The following ANO5 variants were observed in gnomAD, a reference collection of about 807,000 sequenced individuals.
ANO5 encodes the protein anoctamin-5.
Under a neutral mutation model 121.0 loss-of-function variants are expected in ANO5, and 109 were observed. The observed-to-expected ratio is 0.90, with a 90% CI of 0.77 to 1.06. The LOEUF (loss-of-function observed/expected upper bound fraction) is 1.06. Ranked by LOEUF, ANO5 falls within the 50% of genes least tolerant of loss-of-function variation. The pLI is 0.00. For synonymous variants in ANO5, 406 were observed against 359.9 expected, an observed-to-expected ratio of 1.13 and a Z score of -1.45; for missense variants, 1,064 against 1,078.5, an observed-to-expected ratio of 0.99 and a Z score of 0.19.
At position 22,257,692 on chromosome 11, in the gene ANO5, T is replaced by A. The variant is rs1382373646; in HGVS notation, c.1345T>A (p.Tyr449Asn). Residue 449 changes from tyrosine to asparagine, a missense_variant, in exon 14 of 22, where the codon TAC becomes AAC. Transcript: ENST00000324559. ...LNAVTKEMEP[Y>N]MPLYTRIPWY... ...TTCAATATTACAGGAGATGGAACCT[T>A]ACATGCCTCTATACACGCGTATTCC... 1 of 1,611,492 alleles carries A rather than the reference T, an allele frequency of 6.2e-7. No homozygotes were observed. The highest frequency in any genetic ancestry group is 8.5e-7 in the Non-Finnish European group (1 of 1,177,774).
intron 19 of ANO5, among the ~76,000 whole-genome samples, chr11:22,274,163 T>C (rs1590330617): frequency 2.1e-5 from 3 of 143,748 alleles, no homozygotes; most frequent in African/African-American, 5.2e-5. Flanking sequence ...GTTAATCTCT[T>C]ACACACACAC....
At chr11:22,193,871 C>T (rs1383666858) in intron 1 of ANO5, among the ~76,000 whole-genome samples, 5 of 152,204 alleles carry the variant, frequency 3.3e-5, no homozygotes, top group Non-Finnish European at 5.9e-5. Flanking sequence ...CGCTGCAGTG[C>T]TTGGGTCTCC....
At chr11:22,207,800 T>C (rs2133538136) in intron 2 of ANO5, among the ~76,000 whole-genome samples, 1 of 152,150 alleles carries the variant, frequency 6.6e-6, no homozygotes, top group South Asian at 2.1e-4. Flanking sequence ...CTTGTATCTA[T>C]GATTTATAAA....
At position 22,239,574 on chromosome 11, in the gene ANO5, A is replaced by C. The variant is rs1374650064; in HGVS notation, c.768A>C (p.Gln256His). ...CTCCTCTTGAATATCTGCAGGGCCA[A>C]TATTGGAAGCCATCAGAACCTCCCA... ...YSSAYPLHDG[Q>H]YWKPSEPPNP... is the part of the protein sequence containing the mutation. Residue 256 changes from glutamine to histidine, a missense_variant, in exon 9 of 22, where the codon CAA (glutamine) becomes CAC (histidine). Physicochemically the swap from Gln to His is conservative, Grantham distance 24. Coordinates refer to ENST00000324559, the MANE Select transcript of ANO5 (RefSeq NM_213599.3). The C allele has an allele frequency of 6.2e-7, 1 of 1,610,304 alleles. No individual in the cohort carries two copies. Among genetic ancestry groups the C allele is most frequent in the Non-Finnish European group, 8.5e-7 (1 of 1,176,854 alleles).
intron 18 of ANO5, among the ~76,000 whole-genome samples, chr11:22,272,302 GCACACACACA>G (rs60487083): frequency 0.015 from 1,971 of 134,546 alleles, 33 homozygotes; most frequent in African/African-American, 0.04. Flanking sequence ...TCCTTTTCCG[GCACACACACA>G]CACACACACA....
At chr11:22,217,161 G>A (rs2133573789) in intron 3 of ANO5, among the ~76,000 whole-genome samples, 1 of 152,058 alleles carries the variant, frequency 6.6e-6, no homozygotes, top group African/African-American at 2.4e-5. Flanking sequence ...GTCACCAGTT[G>A]CTTAGACTTC....
At chr11:22,218,988 CAT>C (rs1204076178) in intron 4 of ANO5, among the ~76,000 whole-genome samples, 1 of 152,054 alleles carries the variant, frequency 6.6e-6, no homozygotes, top group African/African-American at 2.4e-5. Flanking sequence ...AATGCACACA[CAT>C]GCTACAAAAT....
At chr11:22,246,831 A>G (rs1156954000) in intron 9 of ANO5, among the ~76,000 whole-genome samples, 7 of 142,756 alleles carry the variant, frequency 4.9e-5, no homozygotes, top group South Asian at 2.3e-4. Flanking sequence ...CCTACAACCT[A>G]GCACAACAGA....
chr11:22,238,758 A>G (rs1240445334), intron 8 of ANO5, among the ~76,000 whole-genome samples: 4 of 152,030 alleles, frequency 2.6e-5, no homozygotes, highest in Non-Finnish European at 5.9e-5. Flanking sequence ...TTCTTTTATT[A>G]TACTTTAAGT....
At chr11:22,194,432 T>C (rs1380020001) in intron 1 of ANO5, among the ~76,000 whole-genome samples, 1 of 152,226 alleles carries the variant, frequency 6.6e-6, no homozygotes, top group Non-Finnish European at 1.5e-5. Context: ...CCTCGTTCCC[T>C]TTTTTAAGCA....
Position 22,282,007 on chromosome 11 carries a change from C to T in ANO5, c.*2242C>T, listed in dbSNP as rs1855098830. 6.6e-6 allele frequency: 1 copy of T among 152,016 alleles called. No homozygotes were observed. The highest frequency in any genetic ancestry group is 2.4e-5 in the African/African-American group (1 of 41,426). 9.4% of individuals were successfully genotyped at this position (152,016 alleles called of 1,614,324 possible). A position where few individuals can be genotyped will look rare whatever the true frequency, so the allele number is the denominator to read the frequency against. Reference sequence around the variant, plus strand: ...ATGAAATACAGGTATTCGTCACTTTCCTGAAACCATGCTAACCAAAATCAG... The same window carrying T: ...ATGAAATACAGGTATTCGTCACTTTTCTGAAACCATGCTAACCAAAATCAG... On this transcript the variant is annotated 3_prime_UTR_variant, in exon 22 of 22. Transcript: ENST00000324559.
At chr11:22,243,984 T>G (rs1397485427) in intron 9 of ANO5, among the ~76,000 whole-genome samples, 1 of 152,102 alleles carries the variant, frequency 6.6e-6, no homozygotes, top group Non-Finnish European at 1.5e-5. Context: ...CTTGATTGTA[T>G]AGTCTCTTTA....
chr11:22,199,909 T>C (rs1485494543), intron 1 of ANO5, among the ~76,000 whole-genome samples: 1 of 152,156 alleles, frequency 6.6e-6, no homozygotes. Flanking sequence ...TTAGATATAA[T>C]GTAGAATTTG....
In ANO5 at chr11:22,251,010, G is replaced by A; in HGVS notation, c.1179G>A (p.Trp393Ter). The A allele has an allele frequency of 6.2e-7, 1 of 1,609,802 alleles. No individual in the cohort carries two copies. Among genetic ancestry groups the A allele is most frequent in the Non-Finnish European group, 8.5e-7 (1 of 1,178,482 alleles). Residue 393 changes from tryptophan (W) to a stop codon, truncating the protein, a stop_gained and splice_region_variant, in exon 12 of 22, where the codon TGG becomes TGA. Transcript: ENST00000324559. LOFTEE classifies it high-confidence loss of function. ...TCTTTGCAATATTCATGGGAATTTG[G>A]GGTGAGTAAATAGTCCCATAAAGAA... ...TVFFAIFMGIWVTLFLEFWKQ... is the reference protein window; with the variant it reads ...TVFFAIFMGI
At chr11:22,205,014 C>A (rs550577426) in intron 2 of ANO5, among the ~76,000 whole-genome samples, 1 of 152,072 alleles carries the variant, frequency 6.6e-6, no homozygotes, top group South Asian at 2.1e-4. Context: ...TACTATGGAG[C>A]CATAAAAATG....
At chr11:22,269,893 G>A (rs1241616895) in intron 17 of ANO5, among the ~76,000 whole-genome samples, 10 of 152,026 alleles carry the variant, frequency 6.6e-5, no homozygotes, top group Non-Finnish European at 1.5e-5. Context: ...TTTGTTTAAT[G>A]TTATTCCATT....
chr11:22,276,162 TC>T lies in ANO5; in HGVS notation c.2485del (p.Ala830LeufsTer4). The T allele has an allele frequency of 6.2e-7, 1 of 1,611,664 alleles. No homozygotes were observed. Among genetic ancestry groups the T allele is most frequent in the Non-Finnish European group, 8.5e-7 (1 of 1,178,182 alleles). ...TTTCATAATATGCAATTCTGGCATG[TC>T]CTTGCTGCCAAGATGACCTTCATCA... ...KYFHNMQFWH[V>X]LAAKMTFIIV... is the part of the protein sequence containing the mutation. On this transcript the variant is annotated frameshift_variant, in exon 21 of 22. Transcript: ENST00000324559. LOFTEE classifies it low-confidence loss of function (END_TRUNC).
chr11:22,205,891 GC>G (rs1228301785), intron 2 of ANO5, among the ~76,000 whole-genome samples: 1 of 152,060 alleles, frequency 6.6e-6, no homozygotes, highest in Non-Finnish European at 1.5e-5. Context: ...TCTTCAAGAA[GC>G]ACAAACTACT....
intron 7 of ANO5, among the ~76,000 whole-genome samples, chr11:22,228,259 G>C (rs1343018133): frequency 6.6e-6 from 1 of 151,776 alleles, no homozygotes; most frequent in Admixed American, 6.6e-5. Flanking sequence ...CTTGTACCAA[G>C]TGTTCAACAA....
Sources: gnomAD v4.1 joint callset for allele counts (sites outside exome capture counted in the v4.1 genomes callset) on GRCh38, gnomAD v4.1.1 for gene constraint, MANE v1.5 for transcripts, NCBI Gene and HGNC (gene_info 2026-07-23, HGNC 2026-07-21) for gene names.